MTHFD1L: variants seen among roughly 807,000 people sequenced by gnomAD.
The protein encoded by MTHFD1L is monofunctional C1-tetrahydrofolate synthase, mitochondrial.
MTHFD1L carries 81 observed loss-of-function variants against 119.5 expected under a neutral mutation model. The ratio of observed to expected loss-of-function variants is 0.68; its 90% CI spans 0.57 to 0.82. The LOEUF (loss-of-function observed/expected upper bound fraction) is 0.82, where lower values mean the gene tolerates loss of function less well. MTHFD1L is among the 40% of genes least tolerant of loss of function. MTHFD1L has a pLI of 0.00. For missense variants in MTHFD1L, 1,125 were observed against 1,253.4 expected, an observed-to-expected ratio of 0.90 and a Z score of 1.55; for synonymous variants, 430 against 475.2, an observed-to-expected ratio of 0.90 and a Z score of 1.24.
At chr6:150,867,294 C>G (rs1364017649) in intron 1 of MTHFD1L, among the ~76,000 whole-genome samples, 2 of 152,154 alleles carry the variant, frequency 1.3e-5, no homozygotes, top group African/African-American at 4.8e-5. Context: ...TGGGCTCAAG[C>G]GATTCTCCCG....
At chr6:150,950,589 A>T (rs1794700831) in intron 16 of MTHFD1L, among the ~76,000 whole-genome samples, 1 of 152,234 alleles carries the variant, frequency 6.6e-6, no homozygotes, top group African/African-American at 2.4e-5. Flanking sequence ...AAACATAAGC[A>T]TCCTTTCCAG....
chr6:150,915,641 C>T (rs536582803), intron 8 of MTHFD1L, among the ~76,000 whole-genome samples: 100 of 152,148 alleles, frequency 6.6e-4, no homozygotes, highest in Non-Finnish European at 1.3e-3. Flanking sequence ...CACTCTGTTG[C>T]CCAGGGTGGA....
At chr6:150,993,711 T>G (rs946329838) in intron 20 of MTHFD1L, among the ~76,000 whole-genome samples, 56 of 152,172 alleles carry the variant, frequency 3.7e-4, no homozygotes, top group Non-Finnish European at 4.6e-4. Flanking sequence ...TACCGATTTC[T>G]GCTGTCTTGA....
chr6:150,932,575 G>A (rs1246932503), intron 11 of MTHFD1L, among the ~76,000 whole-genome samples: 1 of 152,098 alleles, frequency 6.6e-6, no homozygotes, highest in Non-Finnish European at 1.5e-5. Flanking sequence ...TTTGAGACCA[G>A]CCTGGCCAAC....
chr6:150,997,625 C>CA lies in MTHFD1L; in HGVS notation c.2126-12186dup, dbSNP rs988800553. On this transcript the variant is annotated intron_variant, in intron 20 of 27. Transcript: ENST00000367321. ...GCAACATGTCAAAACCCCATCTCTA[C>CA]AAAAAAAATACAAAAATTAGCCAGG... 7.3e-5 allele frequency among the ~76,000 whole-genome samples: 11 copies of CA among 151,682 alleles called. No individual in the cohort carries two copies. In the East Asian group the frequency reaches 1.6e-3, roughly 21 times the overall value.
At chr6:150,950,520 G>C (rs903002539) in intron 16 of MTHFD1L, among the ~76,000 whole-genome samples, 6 of 152,204 alleles carry the variant, frequency 3.9e-5, no homozygotes, top group Non-Finnish European at 7.3e-5. Flanking sequence ...TGCTCACTCA[G>C]TTTCCTCATC....
intron 26 of MTHFD1L, among the ~76,000 whole-genome samples, chr6:151,084,071 C>A (rs1562642513): frequency 6.6e-6 from 1 of 152,178 alleles, no homozygotes; most frequent in Non-Finnish European, 1.5e-5. Flanking sequence ...TCCTCAGAAA[C>A]CTTCCTTGAG....
intron 15 of MTHFD1L, 99 bp from the exon 16 acceptor site, chr6:150,948,932 A>T: frequency 9.6e-7 from 1 of 1,036,846 alleles, no homozygotes. Context: ...AAAAGGCTTT[A>T]CCAATCATGG....
intron 20 of MTHFD1L, among the ~76,000 whole-genome samples, chr6:150,987,324 A>T (rs1468164449): frequency 1.3e-5 from 2 of 152,142 alleles, no homozygotes; most frequent in African/African-American, 4.8e-5. Flanking sequence ...AGCTGTAGGA[A>T]ATAATATGAC....
chr6:151,100,643 C>CT lies in MTHFD1L; in HGVS notation c.*32-869dup, dbSNP rs201978471. On this transcript the variant is annotated intron_variant, in intron 27 of 27. Transcript: ENST00000367321. ...CTGGGACTTAAGTGTTGTTTTGTTT[C>CT]TTTTTTTTTTTTTTAATGTAGTTTA... is the stretch of plus-strand genomic sequence containing the variant. Among the ~76,000 whole-genome samples the CT allele has an allele frequency of 7.1e-3, 962 of 134,882 alleles. 10 individuals are homozygous for CT. The highest frequency in any genetic ancestry group is 0.02 in the African/African-American group (735 of 36,788). The allele number at this position is 134,882 out of a possible 152,430, so 88.5% of individuals were successfully genotyped here. A position where few individuals can be genotyped will look rare whatever the true frequency, so the allele number is the denominator to read the frequency against.
Position 151,092,598 on chromosome 6 carries a change from GTGCTTCAA to G in MTHFD1L, c.*31+12_*31+19del. On this transcript the variant is annotated intron_variant, in intron 27 of 27. Coordinates refer to ENST00000367321, the MANE Select transcript of MTHFD1L (RefSeq NM_015440.5). ...CAGGACCCGATGCAGGTAGGCTGAT[GTGCTTCAA>G]CTTTTTCTCTCTTTGTTTTTTTCCA... 6.6e-7 allele frequency: 1 copy of G among 1,518,370 alleles called. No homozygotes were observed. The highest frequency in any genetic ancestry group is 9.0e-7 in the Non-Finnish European group (1 of 1,110,164). The allele number at this position is 1,518,370 out of a possible 1,614,324, so 94.1% of individuals were successfully genotyped here.
intron 24 of MTHFD1L, among the ~76,000 whole-genome samples, chr6:151,024,536 C>CA (rs11361619): frequency 1.0e-3 from 145 of 143,108 alleles, no homozygotes; most frequent in South Asian, 2.5e-3. Context: ...GAGCCAAGCT[C>CA]AAAAAAAAAA....
chr6:150,954,561 C>T (rs1353942392), intron 16 of MTHFD1L, among the ~76,000 whole-genome samples: 1 of 151,940 alleles, frequency 6.6e-6, no homozygotes, highest in Non-Finnish European at 1.5e-5. Flanking sequence ...TGGTGGCAGG[C>T]GCCTGTAATC....
chr6:151,045,523 C>T (rs1212584091), intron 26 of MTHFD1L, among the ~76,000 whole-genome samples: 1 of 152,200 alleles, frequency 6.6e-6, no homozygotes, highest in Non-Finnish European at 1.5e-5. Context: ...GCTCCTGGGT[C>T]CTGGTTTGGC....
At chr6:150,978,176 G>A (rs1282072344) in intron 20 of MTHFD1L, among the ~76,000 whole-genome samples, 1 of 152,036 alleles carries the variant, frequency 6.6e-6, no homozygotes, top group African/African-American at 2.4e-5. Context: ...AGGATTACAG[G>A]TGTGAGCTGC....
At chr6:150,932,832 AAGG>A (rs1791356377) in intron 11 of MTHFD1L, among the ~76,000 whole-genome samples, 7 of 142,810 alleles carry the variant, frequency 4.9e-5, no homozygotes, top group Non-Finnish European at 9.3e-5. Flanking sequence ...GGAAGGAAGG[AAGG>A]AAGGAAGGGA....
At chr6:150,957,032 G>T (rs1795749766) in intron 17 of MTHFD1L, among the ~76,000 whole-genome samples, 1 of 152,166 alleles carries the variant, frequency 6.6e-6, no homozygotes. Context: ...TGATTAAAAG[G>T]ACAGCCCAAA....
At chr6:151,004,357 C>T (rs145020614) in intron 20 of MTHFD1L, among the ~76,000 whole-genome samples, 4 of 152,230 alleles carry the variant, frequency 2.6e-5, no homozygotes, top group Middle Eastern at 3.4e-3. Flanking sequence ...TCCTAATTAT[C>T]GCTGCAGCTT....
intron 26 of MTHFD1L, among the ~76,000 whole-genome samples, chr6:151,061,651 G>A (rs953319672): frequency 2.0e-5 from 3 of 152,274 alleles, no homozygotes; most frequent in Admixed American, 6.5e-5. Context: ...GCACAGTTCC[G>A]TATTGAGTCT....
Sources: allele counts gnomAD v4.1 joint callset (sites outside exome capture counted in the v4.1 genomes callset), GRCh38; gene constraint gnomAD v4.1.1; transcripts MANE v1.5; gene names NCBI Gene and HGNC (gene_info 2026-07-23, HGNC 2026-07-21).